CAPN8: variants seen among roughly 807,000 people sequenced by gnomAD.
CAPN8 encodes the protein calpain-8.
Under a neutral mutation model 80.9 loss-of-function variants are expected in CAPN8, and 87 were observed. The observed-to-expected ratio is 1.07, with a 90% CI of 0.90 to 1.28. The LOEUF (loss-of-function observed/expected upper bound fraction) is 1.28. Ranked by LOEUF, CAPN8 falls within the 50% of genes most tolerant of loss-of-function variation. The pLI, the probability that CAPN8 is intolerant of heterozygous loss-of-function variation, is 0.00. For missense variants in CAPN8, 757 were observed against 702.0 expected (o/e 1.08, Z -0.89); for synonymous variants, 299 against 273.8 (o/e 1.09, Z -0.91).
chr1:223,645,210 A>G (rs1658156043), intron 2 of CAPN8, among the ~76,000 whole-genome samples: 1 of 152,194 alleles, frequency 6.6e-6, no homozygotes, highest in Non-Finnish European at 1.5e-5. Flanking sequence ...GAAGGCCGGA[A>G]GACTCGGCAA....
At chr1:223,611,030 G>A (rs942919146) in intron 11 of CAPN8, among the ~76,000 whole-genome samples, 18 of 144,166 alleles carry the variant, frequency 1.2e-4, no homozygotes, top group African/African-American at 2.9e-4. Flanking sequence ...AAGGCCCCCC[G>A]GCACTCGTAG....
intron 2 of CAPN8, among the ~76,000 whole-genome samples, chr1:223,652,262 A>G (rs985807105): frequency 2.5e-4 from 38 of 152,168 alleles, no homozygotes; most frequent in African/African-American, 8.9e-4. Context: ...GGATCACTTG[A>G]GCCCAGGAGA....
intron 2 of CAPN8, among the ~76,000 whole-genome samples, chr1:223,640,816 C>A (rs1344755825): frequency 1.3e-5 from 2 of 152,128 alleles, no homozygotes; most frequent in Non-Finnish European, 2.9e-5. Context: ...AACCATCCCT[C>A]CCCACCTAAC....
chr1:223,661,546 C>T (rs1037503852), intron 1 of CAPN8, among the ~76,000 whole-genome samples: 1 of 152,196 alleles, frequency 6.6e-6, no homozygotes, highest in African/African-American at 2.4e-5. Flanking sequence ...AGGAGAATCA[C>T]TTGAACCCGA....
intron 15 of CAPN8, 76 bp downstream of exon 15, chr1:223,550,884 A>G (rs1656767874): frequency 8.7e-6 from 6 of 692,768 alleles, no homozygotes; most frequent in South Asian, 6.3e-5. Context: ...TGCCAGCCCA[A>G]TGCCTGCCTA....
intron 2 of CAPN8, chr1:223,642,638 A>C: frequency 2.7e-6 from 1 of 372,732 alleles, no homozygotes. Flanking sequence ...AAGAACAGGA[A>C]AGGCTGACGG....
chr1:223,613,119 C>T (rs115021691), intron 10 of CAPN8, among the ~76,000 whole-genome samples: 113 of 152,238 alleles, frequency 7.4e-4, no homozygotes, highest in African/African-American at 2.6e-3. Context: ...ATTCTTTGTC[C>T]CTGACACATA....
chr1:223,556,113 G>C (rs1308782628), intron 13 of CAPN8, among the ~76,000 whole-genome samples: 1 of 152,224 alleles, frequency 6.6e-6, no homozygotes, highest in Non-Finnish European at 1.5e-5. Context: ...TAAATTCCAA[G>C]AGTGTGTTTG....
At chr1:223,638,822 C>T (rs573206137) in intron 2 of CAPN8, among the ~76,000 whole-genome samples, 9 of 152,356 alleles carry the variant, frequency 5.9e-5, no homozygotes, top group East Asian at 5.8e-4. Flanking sequence ...CACCTGCCTG[C>T]GCTGAGTCAG....
At chr1:223,627,613 GAGA>G (rs1027354142) in intron 4 of CAPN8, among the ~76,000 whole-genome samples, 2 of 152,254 alleles carry the variant, frequency 1.3e-5, no homozygotes, top group African/African-American at 2.4e-5. Context: ...AAACGCTGGT[GAGA>G]AGAACTCCTG....
intron 13 of CAPN8, among the ~76,000 whole-genome samples, chr1:223,555,762 T>C (rs1286665706): frequency 6.6e-6 from 1 of 152,204 alleles, no homozygotes. Flanking sequence ...GAGTTATCAT[T>C]GGACACAAGG....
At chr1:223,543,297 A>T (rs1206012027) in intron 19 of CAPN8, 131 bp from the exon 20 acceptor site, 33 of 969,164 alleles carry the variant, frequency 3.4e-5, no homozygotes, top group Middle Eastern at 3.2e-4. Context: ...CCTCCCCTCC[A>T]GCCCCCACCT....
At position 223,553,870 on chromosome 1, in the gene CAPN8, C is replaced by G; in HGVS notation, c.1603G>C (p.Asp535His). The G allele has an allele frequency of 5.0e-6, 2 of 398,668 alleles. No homozygotes were observed. Among genetic ancestry groups the G allele is most frequent in the Admixed American group, 8.8e-5 (2 of 22,744 alleles). The allele number at this position is 398,668 out of a possible 1,614,324, so 24.7% of individuals were successfully genotyped here. A position where few individuals can be genotyped will look rare whatever the true frequency, so the allele number is the denominator to read the frequency against. The change falls in exon 14 of 21, where the codon GAC becomes CAC. Residue 535 changes from aspartate (D) to histidine (H), a missense_variant. By Grantham distance (81) the Asp-to-His change is moderately conservative. Transcript: ENST00000366872. ...TTCTCAAACAGCCTCCTGAACTGGTCATCTTCCTGATCCACCTCACTGGGA... is the reference window on the plus strand; with the variant it reads ...TTCTCAAACAGCCTCCTGAACTGGTGATCTTCCTGATCCACCTCACTGGGA... ...PHPSEVDQED[D>H]QFRRLFEKLA...
chr1:223,640,738 C>G (rs1658022014), intron 2 of CAPN8, among the ~76,000 whole-genome samples: 1 of 152,092 alleles, frequency 6.6e-6, no homozygotes, highest in Non-Finnish European at 1.5e-5. Context: ...CATCCAGGAG[C>G]AGTAATTAGG....
Position 223,618,425 on chromosome 1 carries a change from C to T in CAPN8, c.1135+868G>A. 2.7e-6 allele frequency: 3 copies of T among 1,119,200 alleles called. No homozygotes were observed. In the South Asian group the frequency reaches 4.5e-5, roughly 17 times the overall value. 69.3% of individuals were successfully genotyped at this position (1,119,200 alleles called of 1,614,324 possible). A position where few individuals can be genotyped will look rare whatever the true frequency, so the allele number is the denominator to read the frequency against. On this transcript the variant is annotated intron_variant, in intron 9 of 20. Coordinates refer to ENST00000366872, the MANE Select transcript of CAPN8 (RefSeq NM_001143962.2). The stretch of plus-strand genomic sequence containing the variant: ...TCTGAGTCCCCATGACACGCATGCC[C>T]TGTGTGTGGCCATCACGGCCCACGC...
At chr1:223,549,672 T>A (rs896302842) in intron 15 of CAPN8, 2 of 529,168 alleles carry the variant, frequency 3.8e-6, no homozygotes, top group Non-Finnish European at 6.9e-6. Context: ...TGAGCTTTAA[T>A]TTCCTCCTCC....
At chr1:223,620,155 A>G in intron 8 of CAPN8, 37 bp downstream of exon 8, 1 of 1,526,292 alleles carries the variant, frequency 6.6e-7, no homozygotes, top group Non-Finnish European at 8.9e-7. Flanking sequence ...TGGACCCATC[A>G]CCAATGGGAC....
chr1:223,547,160 C>A (rs1656645543), intron 16 of CAPN8, among the ~76,000 whole-genome samples: 1 of 152,188 alleles, frequency 6.6e-6, no homozygotes, highest in Non-Finnish European at 1.5e-5. Flanking sequence ...GATCTGCCCA[C>A]CAGTGCCACC....
At chr1:223,659,339 T>C (rs767646550) in intron 1 of CAPN8, among the ~76,000 whole-genome samples, 4 of 152,172 alleles carry the variant, frequency 2.6e-5, no homozygotes, top group South Asian at 2.1e-4. Flanking sequence ...CATCTTCAAG[T>C]ATAGCCACAT....
Sources: gnomAD v4.1 joint callset for allele counts (sites outside exome capture counted in the v4.1 genomes callset) on GRCh38, gnomAD v4.1.1 for gene constraint, MANE v1.5 for transcripts, NCBI Gene and HGNC (gene_info 2026-07-23, HGNC 2026-07-21) for gene names.